Variants in RPRD1A observed in about 807,000 individuals in gnomAD.
The protein encoded by RPRD1A is regulation of nuclear pre-mRNA domain-containing protein 1A.
RPRD1A carries 9 observed loss-of-function variants against 37.8 expected under a neutral mutation model. That is an observed-to-expected ratio of 0.24 (90% CI 0.14 to 0.42). The LOEUF (loss-of-function observed/expected upper bound fraction) is 0.42, where lower values mean the gene tolerates loss of function less well. Ranked by LOEUF, RPRD1A falls within the 10% of genes least tolerant of loss-of-function variation. The pLI, the probability that RPRD1A is intolerant of heterozygous loss-of-function variation, is 1.00. For synonymous variants in RPRD1A, 138 were observed against 139.7 expected (o/e 0.99, Z 0.08); for missense variants, 255 against 371.0 (o/e 0.69, Z 2.57).
In RPRD1A at chr18:36,067,528, T is replaced by C. The variant is rs1471596462; in HGVS notation, c.-124A>G. ...CCCACGCTCTCACCACGGCCGCCGC[T>C]TCATCCAAGACCGGCCGCAAACCAG... On this transcript the variant is annotated 5_prime_UTR_variant, in exon 1 of 7. Coordinates refer to ENST00000399022, the MANE Select transcript of RPRD1A (RefSeq NM_018170.5). 1.2e-5 allele frequency: 13 copies of C among 1,044,796 alleles called. No homozygotes were observed. The highest frequency in any genetic ancestry group is 1.5e-5 in the Non-Finnish European group (11 of 736,380). The allele number at this position is 1,044,796 out of a possible 1,614,324, so 64.7% of individuals were successfully genotyped here.
intron 1 of RPRD1A, among the ~76,000 whole-genome samples, chr18:36,034,610 A>AT (rs1470817258): frequency 6.6e-6 from 1 of 152,182 alleles, no homozygotes; most frequent in Non-Finnish European, 1.5e-5. Context: ...CTATTCTTAT[A>AT]TTTTACTAGA....
At chr18:36,034,598 T>C (rs922625223) in intron 1 of RPRD1A, among the ~76,000 whole-genome samples, 3 of 152,226 alleles carry the variant, frequency 2.0e-5, no homozygotes, top group African/African-American at 7.2e-5. Context: ...TAATATTTTA[T>C]ACTATTCTTA....
At chr18:36,052,136 C>T (rs1263541337) in intron 1 of RPRD1A, among the ~76,000 whole-genome samples, 1 of 133,664 alleles carries the variant, frequency 7.5e-6, no homozygotes, top group East Asian at 2.2e-4. Flanking sequence ...AACAGTGAGA[C>T]AATGTATTTA....
At chr18:36,066,008 A>G (rs1215108779) in intron 1 of RPRD1A, among the ~76,000 whole-genome samples, 1 of 152,226 alleles carries the variant, frequency 6.6e-6, no homozygotes, top group Non-Finnish European at 1.5e-5. Context: ...TCTGAAATCT[A>G]GTAAAATGTA....
chr18:36,004,811 G>A (rs62101378), intron 6 of RPRD1A, among the ~76,000 whole-genome samples: 2 of 152,120 alleles, frequency 1.3e-5, no homozygotes, highest in African/African-American at 2.4e-5. Context: ...GCTGAGGCAG[G>A]AGAATCACTT....
chr18:36,060,664 C>T (rs2088890947), intron 1 of RPRD1A, among the ~76,000 whole-genome samples: 1 of 151,864 alleles, frequency 6.6e-6, no homozygotes, highest in Non-Finnish European at 1.5e-5. Flanking sequence ...CCACTATCTA[C>T]TTCACAACCA....
chr18:35,997,452 T>C (rs1319245630), intron 6 of RPRD1A, among the ~76,000 whole-genome samples: 2 of 152,214 alleles, frequency 1.3e-5, no homozygotes, highest in African/African-American at 4.8e-5. Context: ...CATGTGTATA[T>C]ACATATGTAT....
intron 6 of RPRD1A, among the ~76,000 whole-genome samples, chr18:35,995,261 GTTTT>G (rs1232555714): frequency 4.6e-5 from 5 of 109,206 alleles, no homozygotes; most frequent in Non-Finnish European, 7.4e-5. Context: ...GCTTTTTTTC[GTTTT>G]TTTTTTTTTT....
rs73946759 is a variant in RPRD1A, at chr18:36,031,218, A to C, written c.282-121T>G. 6.3e-3 allele frequency: 7,763 copies of C among 1,235,656 alleles called. 374 individuals carry two copies. The African/African-American group carries it at 0.11, about 17-fold the overall frequency. 76.5% of individuals were successfully genotyped at this position (1,235,656 alleles called of 1,614,324 possible). ...ATTCATTCCCTGGAAAAAACTGTCC[A>C]AATGTCTACTTAGCATCACTATGTG... is the stretch of plus-strand genomic sequence containing the variant. On this transcript the variant is annotated intron_variant, in intron 2 of 6. Transcript: ENST00000399022.
At chr18:36,016,641 TTGAAGG>T (rs139697520) in intron 6 of RPRD1A, among the ~76,000 whole-genome samples, 1,775 of 152,318 alleles carry the variant, frequency 0.012, 39 homozygotes, top group African/African-American at 0.04. Context: ...CAAAACTTAG[TTGAAGG>T]GTGATTCAGA....
Position 36,067,493 on chromosome 18 carries a change from C to A in RPRD1A, c.-89G>T. On this transcript the variant is annotated 5_prime_UTR_variant, in exon 1 of 7. Transcript: ENST00000399022. ...CCTAGCTGCGGCCTCGCCCCCTCAC[C>A]CCACCCTTCCCCACGCTCTCACCAC... is the stretch of plus-strand genomic sequence containing the variant. 2 of 1,314,852 alleles carry A rather than the reference C, an allele frequency of 1.5e-6. No individual in the cohort carries two copies. Among genetic ancestry groups the A allele is most frequent in the South Asian group, 1.4e-5 (1 of 71,082 alleles). 81.4% of individuals were successfully genotyped at this position (1,314,852 alleles called of 1,614,324 possible).
chr18:36,026,803 AAAAATGC>A (rs1568130044), intron 6 of RPRD1A, 90 bp downstream of exon 6: 1 of 1,210,908 alleles, frequency 8.3e-7, no homozygotes, highest in Non-Finnish European at 1.1e-6. Flanking sequence ...GTCTATGTTA[AAAAATGC>A]AAAATGTGCA....
chr18:36,026,848 A>C (rs760609390), intron 6 of RPRD1A, 52 bp downstream of exon 6: 2 of 1,506,788 alleles, frequency 1.3e-6, no homozygotes, highest in Non-Finnish European at 1.8e-6. Context: ...TAAAATTCCT[A>C]ACAAAAAGAG....
intron 1 of RPRD1A, among the ~76,000 whole-genome samples, chr18:36,060,612 T>C (rs2088890070): frequency 6.6e-6 from 1 of 152,128 alleles, no homozygotes; most frequent in Non-Finnish European, 1.5e-5. Flanking sequence ...CGCAGTATGC[T>C]GGGGAGCTAA....
chr18:36,052,653 C>T (rs910127431), intron 1 of RPRD1A, among the ~76,000 whole-genome samples: 2 of 152,152 alleles, frequency 1.3e-5, no homozygotes, highest in Admixed American at 6.5e-5. Context: ...GGGTGGAGTG[C>T]AATCACACGA....
At chr18:36,015,350 C>G (rs1229099443) in intron 6 of RPRD1A, among the ~76,000 whole-genome samples, 1 of 151,842 alleles carries the variant, frequency 6.6e-6, no homozygotes, top group Non-Finnish European at 1.5e-5. Flanking sequence ...ATAGCTGGGA[C>G]TACAGGTGCC....
chr18:36,017,010 A>AT (rs1048856636), intron 6 of RPRD1A, among the ~76,000 whole-genome samples: 2 of 147,092 alleles, frequency 1.4e-5, no homozygotes, highest in African/African-American at 5.1e-5. Context: ...TACTTTTGCA[A>AT]TAAAAAAAAA....
intron 1 of RPRD1A, among the ~76,000 whole-genome samples, chr18:36,053,110 A>G (rs1408980906): frequency 3.3e-5 from 5 of 152,164 alleles, no homozygotes; most frequent in Admixed American, 3.3e-4. Flanking sequence ...AAATAGAGAA[A>G]AGAAAAAGTA....
chr18:36,040,923 C>T (rs1210625412), intron 1 of RPRD1A: 5 of 997,222 alleles, frequency 5.0e-6, no homozygotes, highest in Non-Finnish European at 7.2e-6. Context: ...TTAAATAGTT[C>T]TTTACAGTAA....
Sources: allele counts gnomAD v4.1 joint callset (sites outside exome capture counted in the v4.1 genomes callset), GRCh38; gene constraint gnomAD v4.1.1; transcripts MANE v1.5; gene names NCBI Gene and HGNC (gene_info 2026-07-23, HGNC 2026-07-21).